Variants in LRBA observed in about 807,000 individuals in gnomAD.
The protein encoded by LRBA is lipopolysaccharide-responsive and beige-like anchor protein.
A neutral mutation model predicts 330.0 loss-of-function variants in LRBA; 176 were observed. That is an observed-to-expected ratio of 0.53 (90% CI 0.47 to 0.60). The LOEUF (loss-of-function observed/expected upper bound fraction) is 0.60. LRBA is among the 20% of genes least tolerant of loss of function. The probability of loss-of-function intolerance (pLI) is 0.00; values close to 1 mark genes in which losing one functional copy is unlikely to be tolerated. For missense variants in LRBA, 3,259 were observed against 3,444.8 expected (o/e 0.95, Z 1.35); for synonymous variants, 1,230 against 1,193.0 (o/e 1.03, Z -0.64).
chr4:150,374,846 C>G (rs1466339928), intron 47 of LRBA, among the ~76,000 whole-genome samples: 1 of 152,084 alleles, frequency 6.6e-6, no homozygotes, highest in East Asian at 1.9e-4. Context: ...TAGTAAGACT[C>G]CAAAATACAG....
chr4:150,698,192 C>A (rs1784806962), intron 36 of LRBA, among the ~76,000 whole-genome samples: 1 of 152,026 alleles, frequency 6.6e-6, no homozygotes, highest in South Asian at 2.1e-4. Flanking sequence ...AAATTATAAA[C>A]AAATGTTGTA....
chr4:150,315,337 T>C lies in LRBA; in HGVS notation c.7693+224A>G, dbSNP rs1006392750. On this transcript the variant is annotated intron_variant, in intron 51 of 56. Coordinates refer to ENST00000651943, the MANE Select transcript of LRBA (RefSeq NM_001364905.1). ...ATTATTACAGCATCCATATTAATTTTCAGTGACACGCGTCCTAGGCCTGTT... is the reference window on the plus strand; with the variant it reads ...ATTATTACAGCATCCATATTAATTTCCAGTGACACGCGTCCTAGGCCTGTT... The C allele has an allele frequency of 2.0e-5, 12 of 586,520 alleles. No homozygotes were observed. In the East Asian group the frequency reaches 2.9e-4, roughly 14 times the overall value. 36.3% of individuals were successfully genotyped at this position (586,520 alleles called of 1,614,324 possible).
Position 150,700,916 on chromosome 4 carries a change from C to A in LRBA, c.5755-17199G>T, listed in dbSNP as rs146501241. ...AGGACTACAGGGGTGTACCACCACA[C>A]CCCTGGCTAACTTTTTTATTTTTTG... On this transcript the variant is annotated intron_variant, in intron 36 of 56. Coordinates refer to ENST00000651943, the MANE Select transcript of LRBA (RefSeq NM_001364905.1). Among the ~76,000 whole-genome samples, 989 of 152,100 alleles carry A rather than the reference C, an allele frequency of 6.5e-3. 44 individuals are homozygous for A. The highest frequency in any genetic ancestry group is 0.06 in the Admixed American group (912 of 15,268).
chr4:150,693,057 C>T (rs1334689182), intron 36 of LRBA, among the ~76,000 whole-genome samples: 2 of 151,898 alleles, frequency 1.3e-5, no homozygotes, highest in Non-Finnish European at 2.9e-5. Flanking sequence ...TCTACATATT[C>T]GGAATAGCTA....
At chr4:150,908,974 A>G (rs1731653695) in intron 9 of LRBA, 117 bp from the exon 10 acceptor site, 2 of 632,260 alleles carry the variant, frequency 3.2e-6, no homozygotes, top group East Asian at 2.8e-5. Flanking sequence ...ACAGTATTAT[A>G]TAAGAGGACC....
chr4:150,753,047 C>T (rs1028042942), intron 35 of LRBA, among the ~76,000 whole-genome samples: 34 of 152,160 alleles, frequency 2.2e-4, no homozygotes, highest in African/African-American at 7.7e-4. Flanking sequence ...CTTCTTATAA[C>T]TGCCTTTGTC....
Position 150,583,269 on chromosome 4 carries a change from A to C in LRBA, c.6330+4779T>G. 1 of 1,614,150 alleles carries C rather than the reference A, an allele frequency of 6.2e-7. No homozygotes were observed. ...CCGAATTTGAGGTGGTGCTCTACCTAAACCAGATGGGCGTCTTCAACTTCG... is the reference window on the plus strand; with the variant it reads ...CCGAATTTGAGGTGGTGCTCTACCTCAACCAGATGGGCGTCTTCAACTTCG... On this transcript the variant is annotated intron_variant, in intron 40 of 56. Transcript: ENST00000651943. The surrounding 1 kb of genome is among the most constrained non-coding windows in gnomAD (Gnocchi z 9.8).
chr4:150,915,634 T>A lies in LRBA; in HGVS notation c.988A>T (p.Ile330Leu). The part of the protein sequence containing the change: ...VNGELASYGE[I>L]TWFVNTSDTF... ...TCGCTAGTGTTGACAAACCATGTTATCTCTCCATAGGAAGCCAGCTCACCA... is the reference window on the plus strand; with the variant it reads ...TCGCTAGTGTTGACAAACCATGTTAACTCTCCATAGGAAGCCAGCTCACCA... The change falls in exon 8 of 57, where the codon ATA becomes TTA. Residue 330 changes from isoleucine to leucine, a missense_variant. Coordinates refer to ENST00000651943, the MANE Select transcript of LRBA (RefSeq NM_001364905.1). 1 of 1,612,410 alleles carries A rather than the reference T, an allele frequency of 6.2e-7. No homozygotes were observed. Among genetic ancestry groups the A allele is most frequent in the Non-Finnish European group, 8.5e-7 (1 of 1,179,194 alleles).
intron 28 of LRBA, among the ~76,000 whole-genome samples, chr4:150,840,030 T>C (rs1032911584): frequency 1.3e-5 from 2 of 152,256 alleles, no homozygotes; most frequent in African/African-American, 4.8e-5. Flanking sequence ...TTAAATTTTA[T>C]GAACCAACCT....
chr4:150,500,012 A>G, intron 40 of LRBA, among the ~76,000 whole-genome samples: 1 of 152,160 alleles, frequency 6.6e-6, no homozygotes, highest in Admixed American at 6.5e-5. Context: ...ACAAAATTAC[A>G]GTTAGACAGT....
At chr4:150,313,571 C>T (rs1312578815) in intron 51 of LRBA, among the ~76,000 whole-genome samples, 2 of 152,026 alleles carry the variant, frequency 1.3e-5, no homozygotes, top group East Asian at 3.8e-4. Flanking sequence ...AAGGCTGAAT[C>T]CTGCCCATGC....
chr4:150,476,273 T>C (rs943241123), intron 42 of LRBA, among the ~76,000 whole-genome samples: 2 of 152,332 alleles, frequency 1.3e-5, no homozygotes, highest in South Asian at 2.1e-4. Context: ...CTGCATCTCA[T>C]ATATTTTGAT....
At chr4:150,282,333 G>GA in intron 55 of LRBA, 117 bp downstream of exon 55, 2 of 869,194 alleles carry the variant, frequency 2.3e-6, no homozygotes, top group Non-Finnish European at 3.7e-6. Flanking sequence ...TGTTGGTATG[G>GA]AAAAGAGGCC....
At chr4:150,432,100 A>C (rs1750462057) in intron 46 of LRBA, among the ~76,000 whole-genome samples, 2 of 152,162 alleles carry the variant, frequency 1.3e-5, no homozygotes, top group African/African-American at 4.8e-5. Flanking sequence ...TTAAGTTACC[A>C]GAAATGTGAC....
chr4:150,415,541 T>C lies in LRBA; in HGVS notation c.7091A>G (p.Asn2364Ser), dbSNP rs374405717. ...YYLPEMFVNF[N>S]NYNLGVMDDG... The stretch of plus-strand genomic sequence containing the variant: ...ATCCATCACTCCAAGATTATAATTA[T>C]TGAAGTTGACAAACATCTCAGGGAG... Residue 2364 changes from asparagine (N) to serine (S), a missense_variant, in exon 47 of 57, where the codon AAT (asparagine) becomes AGT (serine). Physicochemically the swap from Asn to Ser is conservative, Grantham distance 46 (BLOSUM62 1). Transcript: ENST00000651943. 9 of 1,602,192 alleles carry C rather than the reference T, an allele frequency of 5.6e-6. No individual in the cohort carries two copies. The highest frequency in any genetic ancestry group is 2.7e-5 in the African/African-American group (2 of 74,686).
At chr4:150,460,580 T>C (rs1754653422) in intron 44 of LRBA, among the ~76,000 whole-genome samples, 1 of 151,796 alleles carries the variant, frequency 6.6e-6, no homozygotes, top group African/African-American at 2.4e-5. Flanking sequence ...AAACATGATT[T>C]CTTAGAGCTT....
chr4:150,790,115 G>A (rs948556393), intron 34 of LRBA, among the ~76,000 whole-genome samples: 1 of 152,188 alleles, frequency 6.6e-6, no homozygotes, highest in Non-Finnish European at 1.5e-5. Flanking sequence ...CAGGGAACTT[G>A]CAGAATTAAG....
chr4:150,697,336 A>ACAAAAAAAAC (rs1327020680), intron 36 of LRBA, among the ~76,000 whole-genome samples: 3 of 146,018 alleles, frequency 2.1e-5, no homozygotes, highest in African/African-American at 7.8e-5. Flanking sequence ...AAAAAAAAAA[A>ACAAAAAAAAC]AAAAAAAAAA....
At chr4:150,584,179 C>G in intron 40 of LRBA, 1 of 1,430,536 alleles carries the variant, frequency 7.0e-7, no homozygotes, top group Non-Finnish European at 9.2e-7. Flanking sequence ...CTGCTATAAA[C>G]AGCAGAAACT....
Sources: gnomAD v4.1 joint callset for allele counts (sites outside exome capture counted in the v4.1 genomes callset) on GRCh38, gnomAD v4.1.1 for gene constraint, Gnocchi (gnomAD v3.1) non-coding constraint, MANE v1.5 for transcripts, NCBI Gene and HGNC (gene_info 2026-07-23, HGNC 2026-07-21) for gene names.